Variants in AP2A2 observed in about 807,000 individuals in gnomAD.
The protein encoded by AP2A2 is adaptor related protein complex 2 subunit alpha 2.
A neutral mutation model predicts 104.2 loss-of-function variants in AP2A2; 32 were observed. That is an observed-to-expected ratio of 0.31 (90% CI 0.23 to 0.41). The LOEUF (loss-of-function observed/expected upper bound fraction) is 0.41, where lower values mean the gene tolerates loss of function less well. Among genes scored for constraint, AP2A2 ranks in the 10% least tolerant of loss-of-function variants. The probability of loss-of-function intolerance (pLI) is 1.00; values close to 1 mark genes in which losing one functional copy is unlikely to be tolerated. For synonymous variants in AP2A2, 539 were observed against 533.3 expected, an observed-to-expected ratio of 1.01 and a Z score of -0.15; for missense variants, 912 against 1,261.0, an observed-to-expected ratio of 0.72 and a Z score of 4.19.
intron 1 of AP2A2, among the ~76,000 whole-genome samples, chr11:949,681 A>G (rs1853972576): frequency 6.6e-6 from 1 of 151,838 alleles, no homozygotes; most frequent in South Asian, 2.1e-4. Context: ...AGGCTGAGGC[A>G]GGAGAAGTGC....
At chr11:994,271 C>G in intron 14 of AP2A2, 26 bp downstream of exon 14, 3 of 1,609,676 alleles carry the variant, frequency 1.9e-6, no homozygotes, top group Non-Finnish European at 2.5e-6. Context: ...ACTGTGCACC[C>G]AGACCTGTCA....
At chr11:982,221 T>C (rs986044012) in intron 6 of AP2A2, among the ~76,000 whole-genome samples, 5 of 152,172 alleles carry the variant, frequency 3.3e-5, no homozygotes, top group African/African-American at 1.2e-4. Flanking sequence ...TGGCTAATTT[T>C]TGTATTTTTA....
In AP2A2 at chr11:981,176, TTG is replaced by T. The variant is rs749040196; in HGVS notation, c.604-12_604-11del. ...TGGTTAGCTTCAAGTGTTCTGACTC[TTG>T]TGTGTGTGTTTTCTTTCAGGGTGTG... On this transcript the variant is annotated intron_variant, in intron 5 of 21. Transcript: ENST00000448903. 10 of 1,591,824 alleles carry T rather than the reference TTG, an allele frequency of 6.3e-6. No homozygotes were observed. Among genetic ancestry groups the T allele is most frequent in the Admixed American group, 3.4e-5 (2 of 58,032 alleles).
In AP2A2 at chr11:993,431, C is replaced by G. The variant is rs74047252; in HGVS notation, c.1550+50C>G. 1.4e-6 allele frequency: 2 copies of G among 1,415,170 alleles called. No individual in the cohort carries two copies. The highest frequency in any genetic ancestry group is 1.9e-6 in the Non-Finnish European group (2 of 1,060,260). The allele number at this position is 1,415,170 out of a possible 1,614,324, so 87.7% of individuals were successfully genotyped here. ...GCTGTGTGCGCTCCGGCGGGCCTCT[C>G]GGTGGTCGGTGGCAAGAGGCGAGGC... On this transcript the variant is annotated intron_variant, in intron 12 of 21. Coordinates refer to ENST00000448903, the MANE Select transcript of AP2A2 (RefSeq NM_012305.4). This position sits in a 1 kb window ranked among gnomAD's most constrained non-coding sequence, Gnocchi z 8.2.
At chr11:976,634 C>T (rs1855049292) in intron 4 of AP2A2, among the ~76,000 whole-genome samples, 1 of 151,974 alleles carries the variant, frequency 6.6e-6, no homozygotes, top group Non-Finnish European at 1.5e-5. Flanking sequence ...AAGCCCTTTG[C>T]TCCAGGGGCA....
chr11:961,985 A>C, intron 2 of AP2A2, among the ~76,000 whole-genome samples: 1 of 150,550 alleles, frequency 6.6e-6, no homozygotes, highest in Non-Finnish European at 1.5e-5. Context: ...AGTCGCCACC[A>C]CTAGTGAAAA....
intron 2 of AP2A2, among the ~76,000 whole-genome samples, chr11:961,621 G>T (rs1348170777): frequency 1.9e-5 from 2 of 106,164 alleles, no homozygotes; most frequent in East Asian, 4.8e-4. Context: ...GGAGATGTGG[G>T]TCTGACAGAG....
chr11:957,190 G>C (rs1490998798), intron 1 of AP2A2, among the ~76,000 whole-genome samples: 4 of 152,240 alleles, frequency 2.6e-5, no homozygotes, highest in African/African-American at 7.2e-5. Context: ...TATGAAGGGT[G>C]CAGGTGACGT....
intron 9 of AP2A2, among the ~76,000 whole-genome samples, chr11:987,805 G>A (rs115835104): frequency 1.6e-4 from 25 of 152,368 alleles, no homozygotes; most frequent in African/African-American, 5.5e-4. Context: ...GTGCACATGC[G>A]TTAGGGAGTG....
At chr11:952,184 A>G (rs1308872607) in intron 1 of AP2A2, among the ~76,000 whole-genome samples, 1 of 152,214 alleles carries the variant, frequency 6.6e-6, no homozygotes, top group Non-Finnish European at 1.5e-5. Flanking sequence ...CACTTTATAT[A>G]CAGACTAAAA....
At chr11:943,981 G>A (rs1478771855) in intron 1 of AP2A2, among the ~76,000 whole-genome samples, 1 of 151,210 alleles carries the variant, frequency 6.6e-6, no homozygotes, top group Non-Finnish European at 1.5e-5. Flanking sequence ...GAGTCCGACC[G>A]GAGATGCAGG....
chr11:936,361 G>A (rs1306450038), intron 1 of AP2A2, among the ~76,000 whole-genome samples: 1 of 151,424 alleles, frequency 6.6e-6, no homozygotes, highest in Non-Finnish European at 1.5e-5. Flanking sequence ...TACAGGACAT[G>A]CCACCACACC....
chr11:946,747 G>A (rs921321172), intron 1 of AP2A2: 2 of 112,062 alleles, frequency 1.8e-5, no homozygotes, highest in Non-Finnish European at 3.7e-5. Flanking sequence ...TCCAGCCTGG[G>A]TGAACAGAGC....
chr11:954,450 A>G (rs772919645), intron 1 of AP2A2, among the ~76,000 whole-genome samples: 2 of 151,676 alleles, frequency 1.3e-5, no homozygotes, highest in Non-Finnish European at 2.9e-5. Flanking sequence ...ATGTATGTAT[A>G]TGTGTATATA....
intron 14 of AP2A2, 84 bp downstream of exon 14, chr11:994,329 G>C: frequency 6.5e-7 from 1 of 1,536,396 alleles, no homozygotes; most frequent in South Asian, 1.2e-5. Context: ...TGCCTGTCAG[G>C]GAGGAGCATG....
intron 1 of AP2A2, 55 bp from the exon 2 acceptor site, chr11:959,381 TG>T: frequency 8.4e-7 from 1 of 1,183,950 alleles, no homozygotes; most frequent in Non-Finnish European, 1.2e-6. Context: ...ATCAGGGAAA[TG>T]GTGTTTCTTT....
intron 8 of AP2A2, 85 bp downstream of exon 8, chr11:985,667 C>T: frequency 6.4e-7 from 1 of 1,567,446 alleles, no homozygotes; most frequent in Non-Finnish European, 8.7e-7. Context: ...CGGATCATGT[C>T]TGGTTTGTCC....
At chr11:961,198 G>A (rs983853844) in intron 2 of AP2A2, among the ~76,000 whole-genome samples, 2 of 151,174 alleles carry the variant, frequency 1.3e-5, no homozygotes, top group African/African-American at 2.4e-5. Context: ...GAAAAGTAAA[G>A]GGCAGAAGCA....
chr11:969,517 T>G (rs7395067), intron 2 of AP2A2, among the ~76,000 whole-genome samples: 1 of 151,892 alleles, frequency 6.6e-6, no homozygotes, highest in Non-Finnish European at 1.5e-5. Flanking sequence ...TGAGCCACCG[T>G]GCCGGGCCCA....
Sources: gnomAD v4.1 joint callset for allele counts (sites outside exome capture counted in the v4.1 genomes callset) on GRCh38, gnomAD v4.1.1 for gene constraint, Gnocchi (gnomAD v3.1) non-coding constraint, MANE v1.5 for transcripts, NCBI Gene and HGNC (gene_info 2026-07-23, HGNC 2026-07-21) for gene names.